Variants in ACAP2 observed in about 807,000 individuals in gnomAD.
ACAP2 encodes the protein arf-GAP with coiled-coil, ANK repeat and PH domain-containing protein 2.
A neutral mutation model predicts 115.8 loss-of-function variants in ACAP2; 39 were observed. The observed-to-expected ratio is 0.34, with a 90% CI of 0.26 to 0.44. The LOEUF (loss-of-function observed/expected upper bound fraction) is 0.44. Among genes scored for constraint, ACAP2 ranks in the 20% least tolerant of loss-of-function variants. ACAP2 has a pLI of 1.00. For missense variants in ACAP2, 662 were observed against 927.6 expected, an observed-to-expected ratio of 0.71 and a Z score of 3.72; for synonymous variants, 289 against 315.8, an observed-to-expected ratio of 0.92 and a Z score of 0.90.
At chr3:195,283,232 C>A (rs772604474) in intron 22 of ACAP2, among the ~76,000 whole-genome samples, 3 of 152,136 alleles carry the variant, frequency 2.0e-5, no homozygotes, top group Non-Finnish European at 4.4e-5. Flanking sequence ...GTTTCCCTCA[C>A]CCACCCATGT....
chr3:195,419,207 C>G (rs550376417), intron 1 of ACAP2, among the ~76,000 whole-genome samples: 3 of 152,210 alleles, frequency 2.0e-5, no homozygotes, highest in Non-Finnish European at 2.9e-5. Flanking sequence ...AAAAGAAATC[C>G]CATACCCATT....
At chr3:195,401,473 T>G (rs1054525918) in intron 1 of ACAP2, among the ~76,000 whole-genome samples, 3 of 152,150 alleles carry the variant, frequency 2.0e-5, no homozygotes, top group Non-Finnish European at 4.4e-5. Context: ...GAGACCAGTC[T>G]GACCAACGCA....
chr3:195,345,382 A>AT, intron 4 of ACAP2, 65 bp from the exon 5 acceptor site: 17 of 935,744 alleles, frequency 1.8e-5, no homozygotes, highest in Non-Finnish European at 2.4e-5. Context: ...TTATCGTGCT[A>AT]TAAATACCAC....
At chr3:195,428,469 T>C (rs147146773) in intron 1 of ACAP2, among the ~76,000 whole-genome samples, 16 of 152,110 alleles carry the variant, frequency 1.1e-4, no homozygotes, top group African/African-American at 3.6e-4. Context: ...ATATTTTTAC[T>C]GTACCTTTTC....
In ACAP2 at chr3:195,277,659, T is replaced by C. The variant is rs1316807394; in HGVS notation, c.*1669A>G. 6.6e-6 allele frequency: 1 copy of C among 152,220 alleles called. No individual in the cohort carries two copies. The highest frequency in any genetic ancestry group is 1.5e-5 in the Non-Finnish European group (1 of 68,036). The allele number at this position is 152,220 out of a possible 1,614,324, so 9.4% of individuals were successfully genotyped here. On this transcript the variant is annotated 3_prime_UTR_variant, in exon 23 of 23. Transcript: ENST00000326793. ...ACTGGGAAATGTTAGAAAATTTATC[T>C]ATAATTGGATCATAAAGTTTTTATA... is the stretch of plus-strand genomic sequence containing the variant.
chr3:195,301,942 C>A, intron 14 of ACAP2, 24 bp downstream of exon 14: 2 of 1,601,406 alleles, frequency 1.2e-6, no homozygotes, highest in Non-Finnish European at 1.7e-6. Context: ...AGAAGAAATT[C>A]TCATCCTGGG....
chr3:195,399,600 C>CT (rs895458631), intron 1 of ACAP2, among the ~76,000 whole-genome samples: 2 of 147,758 alleles, frequency 1.4e-5, no homozygotes, highest in African/African-American at 2.5e-5. Context: ...AAAAAAAAAA[C>CT]TTTTTTTAAA....
intron 3 of ACAP2, 28 bp downstream of exon 3, chr3:195,381,875 T>A: frequency 6.4e-7 from 1 of 1,567,614 alleles, no homozygotes; most frequent in Non-Finnish European, 8.6e-7. Flanking sequence ...TTTTTTTCAT[T>A]TTTAACTGCA....
At chr3:195,378,112 G>GGAGA (rs932932652) in intron 4 of ACAP2, among the ~76,000 whole-genome samples, 29 of 133,420 alleles carry the variant, frequency 2.2e-4, no homozygotes, top group African/African-American at 8.6e-4. Flanking sequence ...GAGGAAGGAA[G>GGAGA]GAGAGAGAAA....
At chr3:195,406,922 G>A (rs189828293) in intron 1 of ACAP2, among the ~76,000 whole-genome samples, 1 of 152,210 alleles carries the variant, frequency 6.6e-6, no homozygotes, top group African/African-American at 2.4e-5. Flanking sequence ...TAAAATTTTT[G>A]CAGACAGATA....
At chr3:195,442,675 C>G in intron 1 of ACAP2, 120 bp downstream of exon 1, 1 of 1,115,246 alleles carries the variant, frequency 9.0e-7, no homozygotes, top group Non-Finnish European at 1.2e-6. Context: ...CGGCAACAGC[C>G]GCTCGCCCCG....
intron 22 of ACAP2, 138 bp from the exon 23 acceptor site, chr3:195,279,566 G>A: frequency 6.5e-6 from 3 of 460,320 alleles, no homozygotes; most frequent in Non-Finnish European, 1.1e-5. Flanking sequence ...AAGAAAAGGG[G>A]CAACTAAAAA....
chr3:195,295,142 C>T (rs1727556631), intron 17 of ACAP2: 2 of 1,027,296 alleles, frequency 1.9e-6, no homozygotes, highest in South Asian at 2.7e-5. Context: ...AATGGCCACA[C>T]CGCACAATGA....
At chr3:195,427,038 A>G (rs529768289) in intron 1 of ACAP2, among the ~76,000 whole-genome samples, 2 of 152,078 alleles carry the variant, frequency 1.3e-5, no homozygotes, top group East Asian at 3.9e-4. Flanking sequence ...TGACCTTGAG[A>G]TTGGGAGATT....
intron 16 of ACAP2, 44 bp downstream of exon 16, chr3:195,297,146 T>A (rs904783401): frequency 4.6e-6 from 7 of 1,513,456 alleles, no homozygotes; most frequent in South Asian, 1.1e-5. Flanking sequence ...AATAAAATCA[T>A]AGCTATATTC....
intron 22 of ACAP2, chr3:195,285,396 T>C (rs1726776268): frequency 6.3e-6 from 1 of 158,954 alleles, no homozygotes; most frequent in Admixed American, 6.5e-5. Context: ...TTTTGTTATA[T>C]TCACTTGACA....
chr3:195,408,219 T>G (rs996565766), intron 1 of ACAP2, among the ~76,000 whole-genome samples: 2 of 152,166 alleles, frequency 1.3e-5, no homozygotes, highest in African/African-American at 4.8e-5. Flanking sequence ...CCCAGCACTT[T>G]GGGAGCCCAA....
intron 1 of ACAP2, among the ~76,000 whole-genome samples, chr3:195,436,264 G>A (rs1715536030): frequency 6.6e-6 from 1 of 151,830 alleles, no homozygotes; most frequent in African/African-American, 2.4e-5. Context: ...GAGTAGCTGG[G>A]ACCACAGACA....
chr3:195,295,687 C>T (rs200852958), intron 17 of ACAP2, 21 bp downstream of exon 17: 105 of 1,613,666 alleles, frequency 6.5e-5, no homozygotes, highest in Admixed American at 8.3e-5. Flanking sequence ...GCTATAGACA[C>T]AGTAAGAAAG....
Sources: allele counts gnomAD v4.1 joint callset (sites outside exome capture counted in the v4.1 genomes callset), GRCh38; gene constraint gnomAD v4.1.1; transcripts MANE v1.5; gene names NCBI Gene and HGNC (gene_info 2026-07-23, HGNC 2026-07-21).